SOX6: variants seen among roughly 807,000 people sequenced by gnomAD.
SOX6 encodes the protein SRY-box transcription factor 6.
Under a neutral mutation model 97.8 loss-of-function variants are expected in SOX6, and 11 were observed. The observed-to-expected ratio is 0.11, with a 90% CI of 0.07 to 0.19. The LOEUF is 0.19. SOX6 is among the 10% of genes least tolerant of loss of function. SOX6 has a pLI of 1.00. For synonymous variants in SOX6, 360 were observed against 371.4 expected (o/e 0.97, Z 0.35); for missense variants, 810 against 1,039.5 (o/e 0.78, Z 3.04).
At chr11:16,253,428 A>G (rs899361429) in intron 3 of SOX6, among the ~76,000 whole-genome samples, 2 of 152,136 alleles carry the variant, frequency 1.3e-5, no homozygotes, top group Admixed American at 6.6e-5. Flanking sequence ...GAATTATTGG[A>G]CCAAATTTTT....
chr11:16,186,737 G>A, intron 5 of SOX6, 46 bp downstream of exon 5: 1 of 1,599,380 alleles, frequency 6.3e-7, no homozygotes. Flanking sequence ...TCTGAGCCTG[G>A]CACATTCCAC....
intron 6 of SOX6, among the ~76,000 whole-genome samples, chr11:16,152,870 TTTTG>T (rs940472307): frequency 1.3e-5 from 2 of 151,484 alleles, no homozygotes; most frequent in Non-Finnish European, 2.9e-5. Context: ...AGCCCTAATT[TTTTG>T]TTTGTTTGTT....
chr11:16,411,467 A>G (rs1858817637), intron 1 of SOX6, among the ~76,000 whole-genome samples: 1 of 152,138 alleles, frequency 6.6e-6, no homozygotes, highest in Non-Finnish European at 1.5e-5. Flanking sequence ...AAGGTTTGCC[A>G]GGTAAAAAAG....
intron 3 of SOX6, among the ~76,000 whole-genome samples, chr11:16,256,071 A>C (rs1853673112): frequency 6.6e-6 from 1 of 152,044 alleles, no homozygotes; most frequent in Non-Finnish European, 1.5e-5. Flanking sequence ...ATATTAAAGA[A>C]ATTAAATCAG....
rs759362106 is a variant in SOX6, at chr11:15,989,127, G to A, written c.1836C>T (p.Arg612=). Residue 612 remains arginine (R), a synonymous_variant, in exon 14 of 16, where the codon CGC becomes CGT. Transcript: ENST00000683767. ...TGTGTGGCTCGCTGCTGGCACGGCC[G>A]CGGGCGTCCCTGTAGACTCGTGCTT... ...VAEARVYRDA[R]GRASSEPHIK... 3 of 1,614,180 alleles carry A rather than the reference G, an allele frequency of 1.9e-6. No individual in the cohort carries two copies. The highest frequency in any genetic ancestry group is 1.7e-5 in the Admixed American group (1 of 60,028).
intron 15 of SOX6, among the ~76,000 whole-genome samples, chr11:15,974,357 G>GTTTTT (rs1416675699): frequency 1.7e-5 from 1 of 58,760 alleles, no homozygotes; most frequent in African/African-American, 6.3e-5. Context: ...TCTTTTTTTT[G>GTTTTT]TTTTTTTCTG....
At chr11:16,058,787 C>T (rs758463150) in intron 9 of SOX6, among the ~76,000 whole-genome samples, 1 of 152,016 alleles carries the variant, frequency 6.6e-6, no homozygotes, top group Non-Finnish European at 1.5e-5. Flanking sequence ...TGTCCCAAGA[C>T]ATAAACCTCT....
intron 4 of SOX6, among the ~76,000 whole-genome samples, chr11:16,193,997 A>T (rs928536022): frequency 6.6e-6 from 1 of 152,166 alleles, no homozygotes; most frequent in Non-Finnish European, 1.5e-5. Flanking sequence ...GCCGTTTTGG[A>T]TACAGCCTTC....
intron 4 of SOX6, among the ~76,000 whole-genome samples, chr11:16,519,507 T>G (rs1430778117): frequency 6.6e-6 from 1 of 152,146 alleles, no homozygotes. Flanking sequence ...TCCATCGATG[T>G]TGCTGCAAAG....
At chr11:16,389,738 G>A (rs1858104672) in intron 1 of SOX6, among the ~76,000 whole-genome samples, 2 of 151,952 alleles carry the variant, frequency 1.3e-5, no homozygotes, top group South Asian at 4.1e-4. Context: ...GGAGGCCGAG[G>A]TGGGCGGATC....
chr11:16,511,835 T>C (rs886268629), intron 4 of SOX6, among the ~76,000 whole-genome samples: 20 of 152,144 alleles, frequency 1.3e-4, no homozygotes, highest in African/African-American at 4.8e-4. Context: ...ATTGTTTTTC[T>C]TAGAGCAGAT....
At chr11:16,066,075 T>C (rs1471779813) in intron 9 of SOX6, among the ~76,000 whole-genome samples, 1 of 152,096 alleles carries the variant, frequency 6.6e-6, no homozygotes, top group African/African-American at 2.4e-5. Context: ...GGAAAAAATA[T>C]ATTAATCCAA....
rs149224254 is a variant in SOX6, at chr11:16,635,263, T to C, written n.430-23003A>G. Among the ~76,000 whole-genome samples, 1,134 of 152,300 alleles carry C rather than the reference T, an allele frequency of 7.4e-3. 8 individuals are homozygous for C. Among genetic ancestry groups the C allele is most frequent in the Non-Finnish European group, 0.012 (812 of 68,028 alleles). On this transcript the variant is annotated intron_variant and non_coding_transcript_variant, in intron 3 of 5. Transcript: ENST00000524520. ...AAATGTGAGAAACTCTGGAGGTTCC[T>C]AGAGACTTGTTGAATGGCTTTGACC...
chr11:16,263,383 A>C (rs1348916167), intron 3 of SOX6, among the ~76,000 whole-genome samples: 1 of 151,958 alleles, frequency 6.6e-6, no homozygotes, highest in Non-Finnish European at 1.5e-5. Context: ...TATGCAGCTT[A>C]TTATAGCTTC....
intron 6 of SOX6, among the ~76,000 whole-genome samples, chr11:16,135,375 T>C (rs1849933751): frequency 6.6e-6 from 1 of 152,208 alleles, no homozygotes; most frequent in African/African-American, 2.4e-5. Context: ...TAATGATTCC[T>C]CAGACAAATC....
At chr11:16,520,655 C>T (rs187936556) in intron 4 of SOX6, among the ~76,000 whole-genome samples, 20 of 152,280 alleles carry the variant, frequency 1.3e-4, no homozygotes, top group East Asian at 7.7e-4. Context: ...ACAACATGTG[C>T]GAGCCGAAGC....
intron 4 of SOX6, among the ~76,000 whole-genome samples, chr11:16,568,225 T>A (rs977991494): frequency 6.6e-6 from 1 of 152,084 alleles, no homozygotes; most frequent in African/African-American, 2.4e-5. Context: ...AATCCAAAAT[T>A]CAAAACACTT....
In SOX6 at chr11:16,199,017, A is replaced by G. The variant is rs572280139; in HGVS notation, c.536-12062T>C. ...TGTGACAAGGCACAAACATGACTAC[A>G]TGTCTACTACTGATTTTGTGCTCAG... On this transcript the variant is annotated intron_variant, in intron 4 of 15. Transcript: ENST00000683767. Among the ~76,000 whole-genome samples the G allele has an allele frequency of 5.9e-5, 9 of 152,350 alleles. No individual in the cohort carries two copies. In the East Asian group the frequency reaches 1.7e-3, roughly 29 times the overall value.
intron 4 of SOX6, among the ~76,000 whole-genome samples, chr11:16,497,273 A>T (rs1860616441): frequency 6.6e-6 from 1 of 152,214 alleles, no homozygotes; most frequent in East Asian, 1.9e-4. Context: ...GTTAGAAGGA[A>T]AACTAACACA....
Sources: gnomAD v4.1 joint callset for allele counts (sites outside exome capture counted in the v4.1 genomes callset) on GRCh38, gnomAD v4.1.1 for gene constraint, MANE v1.5 for transcripts, NCBI Gene and HGNC (gene_info 2026-07-23, HGNC 2026-07-21) for gene names.